The following GLCE variants were observed in gnomAD, a reference collection of about 807,000 sequenced individuals.
GLCE encodes glucuronic acid epimerase, also known as D-glucuronyl C5-epimerase.
A neutral mutation model predicts 47.9 loss-of-function variants in GLCE; 19 were observed. That is an observed-to-expected ratio of 0.40 (90% confidence interval 0.28 to 0.58). The LOEUF (loss-of-function observed/expected upper bound fraction) is 0.58, where lower values mean the gene tolerates loss of function less well. GLCE is among the 20% of genes least tolerant of loss of function. GLCE has a pLI of 0.48. For missense variants in GLCE, 556 were observed against 743.3 expected (o/e 0.75, Z 2.93); for synonymous variants, 245 against 263.4 (o/e 0.93, Z 0.68).
intron 2 of GLCE, among the ~76,000 whole-genome samples, chr15:69,241,318 G>T (rs1482636035): frequency 6.6e-6 from 1 of 152,104 alleles, no homozygotes; most frequent in African/African-American, 2.4e-5. Flanking sequence ...TTTCAATTCT[G>T]CAAGACTTCA....
At chr15:69,226,868 C>T (rs2052456123) in intron 2 of GLCE, among the ~76,000 whole-genome samples, 3 of 150,748 alleles carry the variant, frequency 2.0e-5, no homozygotes, top group South Asian at 4.2e-4. Context: ...CCTCAGCCTC[C>T]TGAGTAGCTG....
At chr15:69,231,778 C>G (rs1022539307) in intron 2 of GLCE, among the ~76,000 whole-genome samples, 1 of 151,920 alleles carries the variant, frequency 6.6e-6, no homozygotes, top group Non-Finnish European at 1.5e-5. Flanking sequence ...AGATATCTAT[C>G]TATCTTTTTT....
intron 2 of GLCE, among the ~76,000 whole-genome samples, chr15:69,225,608 T>A (rs2052435388): frequency 6.6e-6 from 1 of 152,188 alleles, no homozygotes; most frequent in African/African-American, 2.4e-5. Context: ...TATGCACAAC[T>A]TCCTGTAAAT....
At chr15:69,167,082 G>A (rs2051514502) in intron 1 of GLCE, among the ~76,000 whole-genome samples, 1 of 151,932 alleles carries the variant, frequency 6.6e-6, no homozygotes, top group South Asian at 2.1e-4. Flanking sequence ...CAGGTGTGGT[G>A]GTGCACACCT....
chr15:69,218,149 C>CAA lies in GLCE; in HGVS notation c.-14+7763_-14+7764dup, dbSNP rs773040702. On this transcript the variant is annotated intron_variant, in intron 2 of 4. Transcript: ENST00000261858. Reference sequence around the variant, plus strand: ...CCTGGGTGACAGAGCGAGACTGTCTCAAAAAAAAAAAAAAAAAAAAAGGAA... The same window carrying CAA: ...CCTGGGTGACAGAGCGAGACTGTCTCAAAAAAAAAAAAAAAAAAAAAAAGGAA... Among the ~76,000 whole-genome samples, 375 of 54,372 alleles carry CAA rather than the reference C, an allele frequency of 6.9e-3. 2 individuals are homozygous for CAA. Among genetic ancestry groups the CAA allele is most frequent in the African/African-American group, 0.02 (288 of 14,588 alleles). The allele number at this position is 54,372 out of a possible 152,430, so 35.7% of individuals were successfully genotyped here.
intron 4 of GLCE, among the ~76,000 whole-genome samples, chr15:69,266,258 A>G (rs998284989): frequency 9.2e-5 from 14 of 152,204 alleles, no homozygotes; most frequent in Non-Finnish European, 1.6e-4. Flanking sequence ...CAGTGTTGCA[A>G]GAGTTAAATG....
rs374203732 is a variant in GLCE, at chr15:69,235,140, C to T, written c.-13-20654C>T. Reference sequence around the variant, plus strand: ...TTTTTTTTTTTGAGATAGAGTCTCGCTTTGTCACCCAGGCTGGAGTGCAGT... The same window carrying T: ...TTTTTTTTTTTGAGATAGAGTCTCGTTTTGTCACCCAGGCTGGAGTGCAGT... On this transcript the variant is annotated intron_variant, in intron 2 of 4. Coordinates refer to ENST00000261858, the MANE Select transcript of GLCE (RefSeq NM_015554.3). Among the ~76,000 whole-genome samples, 8 of 100,922 alleles carry T rather than the reference C, an allele frequency of 7.9e-5. No homozygotes were observed. The East Asian group carries it at 1.7e-3, about 22-fold the overall frequency. The allele number at this position is 100,922 out of a possible 152,430, so 66.2% of individuals were successfully genotyped here. A position where few individuals can be genotyped will look rare whatever the true frequency, so the allele number is the denominator to read the frequency against.
Position 69,270,238 on chromosome 15 carries a change from C to T in GLCE, c.*994C>T, listed in dbSNP as rs944783863. The stretch of plus-strand genomic sequence containing the variant: ...AGATCAAATACTATATGCAAGAAAT[C>T]ATAGCAAAGTTTTTTTTTCCTACCA... On this transcript the variant is annotated 3_prime_UTR_variant, in exon 5 of 5. Transcript: ENST00000261858. The T allele has an allele frequency of 5.3e-5, 8 of 152,028 alleles. No individual in the cohort carries two copies. The highest frequency in any genetic ancestry group is 8.8e-5 in the Non-Finnish European group (6 of 67,984). 9.4% of individuals were successfully genotyped at this position (152,028 alleles called of 1,614,324 possible).
At chr15:69,182,472 C>T (rs2051764686) in intron 1 of GLCE, among the ~76,000 whole-genome samples, 1 of 151,880 alleles carries the variant, frequency 6.6e-6, no homozygotes, top group Admixed American at 6.6e-5. Flanking sequence ...GCATTGGTAA[C>T]AACTAGCCAA....
chr15:69,182,465 T>C (rs1416385286), intron 1 of GLCE, among the ~76,000 whole-genome samples: 2 of 151,912 alleles, frequency 1.3e-5, no homozygotes, highest in East Asian at 3.9e-4. Context: ...GAAAATTGCA[T>C]TGGTAACAAC....
intron 2 of GLCE, among the ~76,000 whole-genome samples, chr15:69,210,943 C>T (rs184451564): frequency 1.2e-4 from 19 of 152,102 alleles, no homozygotes; most frequent in African/African-American, 4.1e-4. Flanking sequence ...TGACCCTTGG[C>T]CTAGAAAACT....
At chr15:69,240,655 G>T (rs1200427926) in intron 2 of GLCE, among the ~76,000 whole-genome samples, 2 of 152,016 alleles carry the variant, frequency 1.3e-5, no homozygotes, top group Non-Finnish European at 2.9e-5. Context: ...CAATAAAATA[G>T]AAACTAAATA....
At chr15:69,224,468 G>A (rs1282385994) in intron 2 of GLCE, among the ~76,000 whole-genome samples, 2 of 152,156 alleles carry the variant, frequency 1.3e-5, no homozygotes, top group African/African-American at 4.8e-5. Flanking sequence ...AGAAAAATTG[G>A]CTCTGGCCCT....
intron 3 of GLCE, among the ~76,000 whole-genome samples, chr15:69,260,321 G>A (rs994072739): frequency 2.2e-5 from 3 of 138,282 alleles, no homozygotes; most frequent in Non-Finnish European, 4.6e-5. Context: ...GGGCAGTGGC[G>A]CCATCTCGGC....
chr15:69,197,110 G>A, intron 1 of GLCE: 1 of 352,942 alleles, frequency 2.8e-6, no homozygotes, highest in South Asian at 2.4e-5. Flanking sequence ...AACGCCTGCA[G>A]CCAGCATTGA....
chr15:69,193,791 A>G lies in GLCE; in HGVS notation c.-104-16525A>G, dbSNP rs2051948085. ...TGCCTTGTTTGCTTCAGTCTAGTACACGCTTTGCACTGGATATTCCAGACT... is the reference window on the plus strand; with the variant it reads ...TGCCTTGTTTGCTTCAGTCTAGTACGCGCTTTGCACTGGATATTCCAGACT... On this transcript the variant is annotated intron_variant, in intron 1 of 4. Transcript: ENST00000261858. Among the ~76,000 whole-genome samples, 6 of 152,184 alleles carry G rather than the reference A, an allele frequency of 3.9e-5. 1 individual carries two copies. The Middle Eastern group carries it at 0.014, about 345-fold the overall frequency.
At chr15:69,238,127 G>C (rs950338878) in intron 2 of GLCE, among the ~76,000 whole-genome samples, 1 of 152,176 alleles carries the variant, frequency 6.6e-6, no homozygotes, top group Non-Finnish European at 1.5e-5. Context: ...CAATGCTAGA[G>C]AAAAGTAAGC....
chr15:69,181,529 A>C (rs1243276870), intron 1 of GLCE, among the ~76,000 whole-genome samples: 2 of 152,206 alleles, frequency 1.3e-5, no homozygotes, highest in African/African-American at 4.8e-5. Context: ...GGAGGGAGTA[A>C]TGAACCCCTT....
At chr15:69,228,760 C>A (rs1036015801) in intron 2 of GLCE, among the ~76,000 whole-genome samples, 2 of 152,084 alleles carry the variant, frequency 1.3e-5, no homozygotes, top group African/African-American at 4.8e-5. Flanking sequence ...GATCTCGGCT[C>A]CCTGCAACCT....
Sources: allele counts gnomAD v4.1 joint callset (sites outside exome capture counted in the v4.1 genomes callset), GRCh38; gene constraint gnomAD v4.1.1; transcripts MANE v1.5; gene names NCBI Gene and HGNC (gene_info 2026-07-23, HGNC 2026-07-21).